ITGAV: variants seen among roughly 807,000 people sequenced by gnomAD.
ITGAV encodes integrin subunit alpha V.
Under a neutral mutation model 143.8 loss-of-function variants are expected in ITGAV, and 76 were observed. The ratio of observed to expected loss-of-function variants is 0.53; its 90% CI spans 0.44 to 0.64. The LOEUF (loss-of-function observed/expected upper bound fraction) is 0.64. ITGAV is among the 30% of genes least tolerant of loss of function. The probability of loss-of-function intolerance (pLI) is 0.00; values close to 1 mark genes in which losing one functional copy is unlikely to be tolerated. For missense variants in ITGAV, 1,193 were observed against 1,274.7 expected (o/e 0.94, Z 0.98); for synonymous variants, 453 against 446.7 (o/e 1.01, Z -0.18).
intron 28 of ITGAV, chr2:186,676,332 T>C: frequency 5.9e-6 from 1 of 169,624 alleles, no homozygotes; most frequent in Non-Finnish European, 1.3e-5. Flanking sequence ...TGGGTGTGGT[T>C]GCCTCACACC....
rs574293022 is a variant in ITGAV at position 186,662,205 on chromosome 2, T to C, written c.1858-1563T>C. 7.9e-5 allele frequency among the ~76,000 whole-genome samples: 12 copies of C among 152,350 alleles called. No homozygotes were observed. The East Asian group carries it at 1.3e-3, about 17-fold the overall frequency. The stretch of plus-strand genomic sequence containing the variant: ...TACCTTATCACTAGTTAATTTGTTA[T>C]CTGTAAAGTCCACACTTTGATCTAA... On this transcript the variant is annotated intron_variant, in intron 18 of 29. Transcript: ENST00000261023.
At chr2:186,643,524 T>A (rs1688165920) in intron 12 of ITGAV, among the ~76,000 whole-genome samples, 1 of 152,210 alleles carries the variant, frequency 6.6e-6, no homozygotes, top group South Asian at 2.1e-4. Context: ...TTAGATCTTT[T>A]GTTGTTGTTC....
In ITGAV at chr2:186,654,631, G is replaced by GT. The variant is rs755517074; in HGVS notation, c.1506-13dup. 3.0e-6 allele frequency: 4 copies of GT among 1,352,642 alleles called. No homozygotes were observed. The highest frequency in any genetic ancestry group is 1.0e-6 in the Non-Finnish European group (1 of 957,744). 83.8% of individuals were successfully genotyped at this position (1,352,642 alleles called of 1,614,324 possible). A position where few individuals can be genotyped will look rare whatever the true frequency, so the allele number is the denominator to read the frequency against. ...AAACTGAATTATAGAATTTATGTAT[G>GT]TTTTTTATTTTTCCACAGTTTTAAT... On this transcript the variant is annotated intron_variant, in intron 15 of 29. Coordinates refer to ENST00000261023, the MANE Select transcript of ITGAV (RefSeq NM_002210.5).
At chr2:186,665,280 G>A (rs1285099829) in intron 21 of ITGAV, 62 bp downstream of exon 21, 2 of 1,038,318 alleles carry the variant, frequency 1.9e-6, no homozygotes, top group South Asian at 1.3e-5. Context: ...ATTGTTGTCT[G>A]GGCTCATAGT....
chr2:186,603,898 T>C (rs1157393762), intron 2 of ITGAV, among the ~76,000 whole-genome samples: 1 of 151,250 alleles, frequency 6.6e-6, no homozygotes, highest in Non-Finnish European at 1.5e-5. Flanking sequence ...AGGGTCTCGC[T>C]CTGTCACTCG....
Position 186,641,426 on chromosome 2 carries a change from C to T in ITGAV, c.997C>T (p.Arg333Cys), listed in dbSNP as rs894915282. The change falls in exon 12 of 30, where the codon CGT (arginine) becomes TGT (cysteine). Residue 333 changes from arginine to cysteine, a missense_variant. Coordinates refer to ENST00000261023, the MANE Select transcript of ITGAV (RefSeq NM_002210.5). ...VFIGAPLFMD[R>C]GSDGKLQEVG... is the part of the protein sequence containing the mutation. ...TATTGGAGCACCTCTCTTCATGGATCGTGGCTCTGATGGCAAACTCCAAGA... is the reference window on the plus strand; with the variant it reads ...TATTGGAGCACCTCTCTTCATGGATTGTGGCTCTGATGGCAAACTCCAAGA... The T allele has an allele frequency of 8.1e-6, 13 of 1,613,990 alleles. No individual in the cohort carries two copies. Among genetic ancestry groups the T allele is most frequent in the African/African-American group, 4.0e-5 (3 of 74,916 alleles).
intron 4 of ITGAV, 85 bp downstream of exon 4, chr2:186,625,672 T>TGA: frequency 1.7e-6 from 1 of 588,668 alleles, no homozygotes; most frequent in Non-Finnish European, 3.0e-6. Context: ...GGTGTGTGTG[T>TGA]GTGTGTGAGA....
intron 15 of ITGAV, among the ~76,000 whole-genome samples, chr2:186,653,032 G>A (rs565885220): frequency 1.2e-4 from 17 of 139,302 alleles, no homozygotes. Context: ...TGCAAGCTCC[G>A]CTTCCCGGGT....
rs1376936761 is a variant in ITGAV, at chr2:186,598,802, A to T, written c.186-3219A>T. On this transcript the variant is annotated intron_variant, in intron 1 of 29. Coordinates refer to ENST00000261023, the MANE Select transcript of ITGAV (RefSeq NM_002210.5). ...TTCTACCCAGAATCATTTTGCCGTG[A>T]TGGGAGAGAGCCAACATTGGTGTTT... Among the ~76,000 whole-genome samples the T allele has an allele frequency of 2.0e-5, 3 of 152,260 alleles. No individual in the cohort carries two copies. In the South Asian group the frequency reaches 6.2e-4, roughly 32 times the overall value.
intron 26 of ITGAV, among the ~76,000 whole-genome samples, chr2:186,670,921 G>T (rs1378384463): frequency 6.6e-6 from 1 of 152,104 alleles, no homozygotes; most frequent in Non-Finnish European, 1.5e-5. Context: ...GTTCTTAGTT[G>T]ATTTTAGTAA....
chr2:186,606,785 A>G (rs1687077871), intron 2 of ITGAV, among the ~76,000 whole-genome samples: 1 of 152,078 alleles, frequency 6.6e-6, no homozygotes, highest in South Asian at 2.1e-4. Context: ...CTTCAATCCA[A>G]TAGAATCACT....
chr2:186,633,379 G>A lies in ITGAV; in HGVS notation c.631+5G>A. ...CTGGTAGCTTTTATTGGCAAGGTAG[G>A]TTAATATTTTTTAAATTACAATTGG... On this transcript the variant is annotated splice_donor_5th_base_variant and intron_variant, in intron 6 of 29. Transcript: ENST00000261023. The A allele has an allele frequency of 1.3e-6, 2 of 1,561,462 alleles. No individual in the cohort carries two copies. Among genetic ancestry groups the A allele is most frequent in the Non-Finnish European group, 1.8e-6 (2 of 1,140,516 alleles).
chr2:186,668,344 G>A (rs539460170), intron 24 of ITGAV, among the ~76,000 whole-genome samples: 1 of 145,718 alleles, frequency 6.9e-6, no homozygotes, highest in South Asian at 2.2e-4. Context: ...TCCTGCCTCA[G>A]CTTGCTGAGT....
intron 24 of ITGAV, among the ~76,000 whole-genome samples, chr2:186,668,201 TATATATATATA>T (rs1559068083): frequency 1.7e-4 from 3 of 17,678 alleles, no homozygotes; most frequent in Non-Finnish European, 3.1e-4. Context: ...TATATATATA[TATATATATATA>T]TATATTTTTT....
At chr2:186,667,090 T>C in intron 22 of ITGAV, 60 bp from the exon 23 acceptor site, 1 of 1,306,224 alleles carries the variant, frequency 7.7e-7, no homozygotes, top group South Asian at 1.3e-5. Context: ...TGGGTTTGCC[T>C]CTGTATGTTC....
chr2:186,642,512 T>C (rs184442897), intron 12 of ITGAV, among the ~76,000 whole-genome samples: 2 of 150,220 alleles, frequency 1.3e-5, no homozygotes, highest in African/African-American at 2.4e-5. Context: ...TCATTTCTTT[T>C]TCTTTGTTTC....
chr2:186,615,181 G>A (rs1574468242), intron 2 of ITGAV, among the ~76,000 whole-genome samples: 1 of 151,924 alleles, frequency 6.6e-6, no homozygotes, highest in African/African-American at 2.4e-5. Context: ...TCAACGGAAT[G>A]AATAAACATT....
At chr2:186,673,792 C>T (rs778582746) in intron 26 of ITGAV, among the ~76,000 whole-genome samples, 15 of 152,004 alleles carry the variant, frequency 9.9e-5, no homozygotes, top group East Asian at 1.9e-4. Context: ...CTTGGCCTAC[C>T]GAGTAGCTGG....
chr2:186,597,566 A>T (rs577344862), intron 1 of ITGAV, among the ~76,000 whole-genome samples: 1 of 152,336 alleles, frequency 6.6e-6, no homozygotes, highest in South Asian at 2.1e-4. Context: ...GAAGCAATTT[A>T]TCATAAGGTA....
Sources: allele counts gnomAD v4.1 joint callset (sites outside exome capture counted in the v4.1 genomes callset), GRCh38; gene constraint gnomAD v4.1.1; transcripts MANE v1.5; gene names NCBI Gene and HGNC (gene_info 2026-07-23, HGNC 2026-07-21).